The following BBS9 variants were observed in gnomAD, a reference collection of about 807,000 sequenced individuals.
The protein encoded by BBS9 is protein PTHB1.
In BBS9, 89 loss-of-function variants were observed where a neutral mutation model predicts 117.7. That is an observed-to-expected ratio of 0.76 (90% CI 0.64 to 0.90). The LOEUF (loss-of-function observed/expected upper bound fraction) is 0.90. Ranked by LOEUF, BBS9 falls within the 40% of genes least tolerant of loss-of-function variation. The pLI is 0.00. For missense variants in BBS9, 982 were observed against 1,042.2 expected (o/e 0.94, Z 0.80); for synonymous variants, 379 against 370.9 (o/e 1.02, Z -0.25).
chr7:33,191,365 G>A (rs1008170531), intron 5 of BBS9, among the ~76,000 whole-genome samples: 9 of 152,148 alleles, frequency 5.9e-5, no homozygotes, highest in African/African-American at 2.2e-4. Context: ...AAACAACATG[G>A]GGTCAATATA....
chr7:33,377,661 G>A (rs544640069), intron 17 of BBS9, among the ~76,000 whole-genome samples: 9 of 152,180 alleles, frequency 5.9e-5, no homozygotes, highest in Admixed American at 3.9e-4. Flanking sequence ...AGCACAGAAT[G>A]TTTTTTCCAT....
intron 9 of BBS9, among the ~76,000 whole-genome samples, chr7:33,317,015 T>C (rs1210279203): frequency 6.6e-6 from 1 of 152,248 alleles, no homozygotes; most frequent in Non-Finnish European, 1.5e-5. Context: ...TTTTTAGGTC[T>C]GTGATCCATC....
At chr7:33,425,345 T>G (rs181494574) in intron 19 of BBS9, among the ~76,000 whole-genome samples, 1 of 152,148 alleles carries the variant, frequency 6.6e-6, no homozygotes, top group South Asian at 2.1e-4. Context: ...TTTAAAAAAA[T>G]TTTTTATTTT....
At chr7:33,156,617 G>A (rs764150668) in intron 4 of BBS9, among the ~76,000 whole-genome samples, 26 of 152,112 alleles carry the variant, frequency 1.7e-4, no homozygotes, top group Non-Finnish European at 3.1e-4. Flanking sequence ...GATTTCCAAG[G>A]CAGGCTTGGT....
intron 9 of BBS9, among the ~76,000 whole-genome samples, chr7:33,309,287 A>G (rs1584246847): frequency 6.6e-6 from 1 of 152,130 alleles, no homozygotes; most frequent in Admixed American, 6.5e-5. Context: ...AATGAACCCA[A>G]GGTTTCCAAC....
downstream of BBS9, among the ~76,000 whole-genome samples, chr7:33,609,156 T>G (rs527548005): frequency 1.1e-3 from 175 of 152,204 alleles, 2 homozygotes; most frequent in South Asian, 9.5e-3. Flanking sequence ...TTGTTGAGGA[T>G]CAAATGGCTG....
chr7:33,275,008 A>C (rs1800493693), intron 9 of BBS9, among the ~76,000 whole-genome samples: 1 of 151,550 alleles, frequency 6.6e-6, no homozygotes, highest in Middle Eastern at 3.4e-3. Flanking sequence ...AAAAAAAAAA[A>C]AAAAAAAAGC....
chr7:33,195,515 A>G (rs1004530021), intron 5 of BBS9, among the ~76,000 whole-genome samples: 2 of 152,132 alleles, frequency 1.3e-5, no homozygotes, highest in South Asian at 2.1e-4. Flanking sequence ...GTGATGCAGC[A>G]TATTGTATGT....
chr7:33,341,833 C>T (rs552809334), intron 11 of BBS9, among the ~76,000 whole-genome samples: 1 of 152,186 alleles, frequency 6.6e-6, no homozygotes, highest in Non-Finnish European at 1.5e-5. Context: ...TACTTCATCT[C>T]CTCACTTAAG....
At chr7:33,540,057 A>G (rs1852032697) in intron 21 of BBS9, among the ~76,000 whole-genome samples, 1 of 152,226 alleles carries the variant, frequency 6.6e-6, no homozygotes, top group African/African-American at 2.4e-5. Flanking sequence ...AACTGGGATA[A>G]TTAAAACTTC....
intron 19 of BBS9, among the ~76,000 whole-genome samples, chr7:33,430,569 T>C (rs1321645863): frequency 6.6e-6 from 1 of 152,242 alleles, no homozygotes; most frequent in Admixed American, 6.5e-5. Context: ...GAGGGAACTC[T>C]AGTTCCTTGT....
intron 20 of BBS9, among the ~76,000 whole-genome samples, chr7:33,509,141 A>G (rs1846555940): frequency 6.6e-6 from 1 of 152,242 alleles, no homozygotes. Context: ...TTGGAGAAGA[A>G]TGAATCAAAA....
chr7:33,382,203 T>A (rs868109398), intron 17 of BBS9, among the ~76,000 whole-genome samples: 41 of 152,292 alleles, frequency 2.7e-4, no homozygotes, highest in Middle Eastern at 3.4e-3. Flanking sequence ...AGCTCATGTC[T>A]GTAGTCCCAG....
chr7:33,149,434 A>G (rs1792954623), intron 2 of BBS9, among the ~76,000 whole-genome samples: 1 of 147,686 alleles, frequency 6.8e-6, no homozygotes, highest in Non-Finnish European at 1.5e-5. Flanking sequence ...GAAGCCGAGT[A>G]AAACACAGAA....
chr7:33,337,021 C>T (rs1815518448), intron 10 of BBS9, among the ~76,000 whole-genome samples: 1 of 152,120 alleles, frequency 6.6e-6, no homozygotes, highest in Non-Finnish European at 1.5e-5. Flanking sequence ...GAAACCAAAG[C>T]ACATGAGCTA....
chr7:33,549,987 T>C (rs1854107633), intron 21 of BBS9, among the ~76,000 whole-genome samples: 1 of 152,214 alleles, frequency 6.6e-6, no homozygotes, highest in Non-Finnish European at 1.5e-5. Flanking sequence ...AAAAAGTTGA[T>C]ATTTATTCCA....
intron 17 of BBS9, among the ~76,000 whole-genome samples, chr7:33,373,657 G>A (rs369780908): frequency 7.9e-5 from 12 of 152,284 alleles, no homozygotes; most frequent in African/African-American, 2.9e-4. Flanking sequence ...TAGCAAATTG[G>A]TATAGCCTTA....
At chr7:33,241,993 A>G (rs1367761508) in intron 5 of BBS9, among the ~76,000 whole-genome samples, 1 of 152,020 alleles carries the variant, frequency 6.6e-6, no homozygotes, top group African/African-American at 2.4e-5. Context: ...CTTTGAGGTC[A>G]TATTCTTTTG....
rs1228932221 is a variant in BBS9, at chr7:33,332,226, G to T, written c.1017-4215G>T. 1.6e-4 allele frequency among the ~76,000 whole-genome samples: 24 copies of T among 151,608 alleles called. 1 individual carries two copies. Among genetic ancestry groups the T allele is most frequent in the Non-Finnish European group, 3.0e-5 (2 of 67,790 alleles). ...AAAGACACCCTATTCAATAAATGGA[G>T]CTGGGAAAACTGGCAAGCCACATGT... On this transcript the variant is annotated intron_variant, in intron 9 of 22. Transcript: ENST00000242067.
Sources: allele counts gnomAD v4.1 joint callset (sites outside exome capture counted in the v4.1 genomes callset), GRCh38; gene constraint gnomAD v4.1.1; transcripts MANE v1.5; gene names NCBI Gene and HGNC (gene_info 2026-07-23, HGNC 2026-07-21).